Variants in MAF observed in about 807,000 individuals in gnomAD.
MAF encodes MAF bZIP transcription factor, also known as transcription factor Maf.
A neutral mutation model predicts 22.0 loss-of-function variants in MAF; 10 were observed. That is an observed-to-expected ratio of 0.45 (90% CI 0.28 to 0.77). MAF has a LOEUF of 0.77. MAF is among the 30% of genes least tolerant of loss of function. The pLI is 0.12. For synonymous variants in MAF, 337 were observed against 255.8 expected (o/e 1.32, Z -3.03); for missense variants, 544 against 548.4 (o/e 0.99, Z 0.08).
the MAF span, among the ~76,000 whole-genome samples, chr16:79,211,305 T>G: frequency 6.6e-6 from 1 of 152,194 alleles, no homozygotes; most frequent in African/African-American, 2.4e-5. Context: ...TTTTTCTCTG[T>G]GTGGAAGAGG....
the MAF span, among the ~76,000 whole-genome samples, chr16:79,438,368 G>A: frequency 1.2e-3 from 185 of 152,286 alleles, 1 homozygote; most frequent in African/African-American, 4.2e-3. Flanking sequence ...CTTAGGCTTC[G>A]CCACAATTAG....
At chr16:79,208,201 C>T in the MAF span, among the ~76,000 whole-genome samples, 1 of 152,174 alleles carries the variant, frequency 6.6e-6, no homozygotes, top group Non-Finnish European at 1.5e-5. Flanking sequence ...AAATGTTTGA[C>T]TAGATCGGAA....
the MAF span, among the ~76,000 whole-genome samples, chr16:79,421,800 C>A: frequency 6.6e-6 from 1 of 152,146 alleles, no homozygotes; most frequent in African/African-American, 2.4e-5. Flanking sequence ...TCTTTTGAGA[C>A]AGAGTCTTGC....
At chr16:79,561,518 C>T in the MAF span, among the ~76,000 whole-genome samples, 1 of 150,762 alleles carries the variant, frequency 6.6e-6, no homozygotes, top group Non-Finnish European at 1.5e-5. Flanking sequence ...TTCCTGTGCC[C>T]ACGTGTTCTC....
the MAF span, among the ~76,000 whole-genome samples, chr16:79,218,754 A>C: frequency 6.6e-6 from 1 of 152,064 alleles, no homozygotes; most frequent in Non-Finnish European, 1.5e-5. Flanking sequence ...TGGAAATTCA[A>C]AGTGAGTCTA....
chr16:79,377,907 A>G, the MAF span, among the ~76,000 whole-genome samples: 1 of 152,192 alleles, frequency 6.6e-6, no homozygotes, highest in Non-Finnish European at 1.5e-5. Context: ...TGGTACCAGT[A>G]CCATGCTGTT....
At chr16:79,589,835 T>C (rs1362068672), downstream of MAF, among the ~76,000 whole-genome samples, 1 of 152,154 alleles carries the variant, frequency 6.6e-6, no homozygotes, top group Non-Finnish European at 1.5e-5. Flanking sequence ...TGGGGCGCGC[T>C]GGGTGTGGCC....
chr16:79,583,805 G>A (rs113130127), downstream of MAF, among the ~76,000 whole-genome samples: 1,945 of 152,296 alleles, frequency 0.013, 22 homozygotes, highest in Admixed American at 0.021. Flanking sequence ...CCCTGGCAAA[G>A]ATGGTACCAT....
At chr16:79,430,820 T>C in the MAF span, among the ~76,000 whole-genome samples, 131 of 152,350 alleles carry the variant, frequency 8.6e-4, no homozygotes, top group African/African-American at 3.1e-3. Flanking sequence ...TTCTGTGTTT[T>C]GCCCTCTGCT....
chr16:79,399,041 C>T, the MAF span, among the ~76,000 whole-genome samples: 5 of 152,306 alleles, frequency 3.3e-5, no homozygotes, highest in East Asian at 7.7e-4. Context: ...TAGCATTATG[C>T]CTGCAATAGG....
the MAF span, among the ~76,000 whole-genome samples, chr16:79,499,948 T>A: frequency 6.6e-6 from 1 of 152,184 alleles, no homozygotes; most frequent in Non-Finnish European, 1.5e-5. Context: ...AATGCAGTCA[T>A]ATCTATTATT....
At chr16:79,264,222 G>A in the MAF span, among the ~76,000 whole-genome samples, 1 of 152,096 alleles carries the variant, frequency 6.6e-6, no homozygotes, top group Admixed American at 6.5e-5. Flanking sequence ...GTCCAGAGGG[G>A]GCAAAAATAG....
the MAF span, among the ~76,000 whole-genome samples, chr16:79,310,687 G>A: frequency 6.6e-6 from 1 of 152,184 alleles, no homozygotes; most frequent in Non-Finnish European, 1.5e-5. Flanking sequence ...TCGCCTTGGT[G>A]AATTTCTCTT....
At chr16:79,499,497 T>A in the MAF span, among the ~76,000 whole-genome samples, 1 of 152,214 alleles carries the variant, frequency 6.6e-6, no homozygotes, top group African/African-American at 2.4e-5. Flanking sequence ...AATTCATATG[T>A]TGAAATCCAA....
the MAF span, among the ~76,000 whole-genome samples, chr16:79,390,240 C>T: frequency 0.66 from 99,292 of 151,416 alleles, 33,550 homozygotes; most frequent in East Asian, 0.96. Context: ...TGCTTCTCTC[C>T]CCAGTTACCC....
At chr16:79,356,139 C>T in the MAF span, among the ~76,000 whole-genome samples, 5 of 151,726 alleles carry the variant, frequency 3.3e-5, no homozygotes, top group Non-Finnish European at 5.9e-5. Flanking sequence ...CTTATGCATA[C>T]TCACACTCAC....
chr16:79,443,924 G>T, the MAF span, among the ~76,000 whole-genome samples: 10 of 151,836 alleles, frequency 6.6e-5, no homozygotes, highest in Middle Eastern at 6.8e-3. Flanking sequence ...TTTTTTAAAT[G>T]AAGATTTCTA....
At chr16:79,206,071 C>T in the MAF span, 1 of 152,168 alleles carries the variant, frequency 6.6e-6, no homozygotes, top group African/African-American at 2.4e-5. Flanking sequence ...GCTGAGTCTT[C>T]ATTTTTGTTC....
chr16:79,259,498 T>C, the MAF span, among the ~76,000 whole-genome samples: 1 of 152,296 alleles, frequency 6.6e-6, no homozygotes, highest in Non-Finnish European at 1.5e-5. Flanking sequence ...GGTGGCTCCA[T>C]GACACTAAGT....
Sources: gnomAD v4.1 joint callset for allele counts (sites outside exome capture counted in the v4.1 genomes callset) on GRCh38, gnomAD v4.1.1 for gene constraint, MANE v1.5 for transcripts, NCBI Gene and HGNC (gene_info 2026-07-23, HGNC 2026-07-21) for gene names.